LUZP2: variants seen among roughly 807,000 people sequenced by gnomAD.
LUZP2 encodes leucine zipper protein 2.
A neutral mutation model predicts 51.6 loss-of-function variants in LUZP2; 52 were observed. The ratio of observed to expected loss-of-function variants is 1.01; its 90% confidence interval spans 0.81 to 1.27. The LOEUF (loss-of-function observed/expected upper bound fraction) is 1.27, where lower values mean the gene tolerates loss of function less well. Ranked by LOEUF, LUZP2 falls within the 50% of genes most tolerant of loss-of-function variation. LUZP2 has a pLI of 0.00. For missense variants in LUZP2, 436 were observed against 395.4 expected, an observed-to-expected ratio of 1.10 and a Z score of -0.87; for synonymous variants, 154 against 137.3, an observed-to-expected ratio of 1.12 and a Z score of -0.85.
intron 7 of LUZP2, among the ~76,000 whole-genome samples, chr11:24,938,272 G>T (rs1403182362): frequency 6.6e-6 from 1 of 152,146 alleles, no homozygotes; most frequent in South Asian, 2.1e-4. Context: ...TTAAAGAAAA[G>T]AAATAAATGC....
chr11:24,996,188 T>C (rs953735199), intron 9 of LUZP2, among the ~76,000 whole-genome samples: 1 of 151,740 alleles, frequency 6.6e-6, no homozygotes, highest in African/African-American at 2.4e-5. Flanking sequence ...ATATTTTTCT[T>C]CTTCTTGACA....
intron 4 of LUZP2, chr11:24,751,691 A>C: frequency 5.8e-6 from 2 of 346,574 alleles, no homozygotes; most frequent in Non-Finnish European, 8.1e-6. Flanking sequence ...CCATTGCCAC[A>C]CAGAGCAATT....
chr11:24,938,405 G>A (rs1487652936), intron 7 of LUZP2, among the ~76,000 whole-genome samples: 6 of 152,036 alleles, frequency 3.9e-5, no homozygotes, highest in African/African-American at 1.4e-4. Context: ...TCATTTGTGG[G>A]AATAATAGTC....
chr11:24,787,906 G>T (rs763272317), intron 5 of LUZP2, among the ~76,000 whole-genome samples: 3 of 152,130 alleles, frequency 2.0e-5, no homozygotes, highest in Non-Finnish European at 4.4e-5. Flanking sequence ...GACTACAGGT[G>T]TGTGTCACCA....
At chr11:24,964,934 A>G (rs1855537735) in intron 7 of LUZP2, among the ~76,000 whole-genome samples, 1 of 151,820 alleles carries the variant, frequency 6.6e-6, no homozygotes, top group African/African-American at 2.4e-5. Context: ...TTTATTTTTA[A>G]TGATAGAGTA....
At chr11:24,513,152 T>C (rs1850364777) in intron 1 of LUZP2, among the ~76,000 whole-genome samples, 1 of 152,236 alleles carries the variant, frequency 6.6e-6, no homozygotes, top group South Asian at 2.1e-4. Context: ...TGTTTTCAAA[T>C]CATGTTTTCT....
chr11:24,909,063 G>C (rs540724305), intron 6 of LUZP2, among the ~76,000 whole-genome samples: 2 of 151,742 alleles, frequency 1.3e-5, no homozygotes, highest in South Asian at 4.2e-4. Context: ...ACCCAGCCAG[G>C]ATTTTGCTTT....
chr11:24,888,109 T>C (rs1229694416), intron 5 of LUZP2, among the ~76,000 whole-genome samples: 1 of 152,204 alleles, frequency 6.6e-6, no homozygotes, highest in Admixed American at 6.5e-5. Context: ...TACTTTCACC[T>C]TGAAAATTGA....
At position 24,665,115 on chromosome 11, in the gene LUZP2, CAG is replaced by C. The variant is rs778339057; in HGVS notation, c.63-64049_63-64048del. Among the ~76,000 whole-genome samples the C allele has an allele frequency of 6.0e-4, 91 of 152,158 alleles. 1 individual carries two copies. Among genetic ancestry groups the C allele is most frequent in the Non-Finnish European group, 4.9e-4 (33 of 68,022 alleles). The stretch of plus-strand genomic sequence containing the variant: ...AGCCACAGGGCAGAGCTGCTCAAGA[CAG>C]AGAGGCCACTTCTTGCATCAGCATG... On this transcript the variant is annotated intron_variant, in intron 1 of 11. Transcript: ENST00000336930.
intron 1 of LUZP2, among the ~76,000 whole-genome samples, chr11:24,662,940 A>G (rs2133985543): frequency 6.6e-6 from 1 of 152,206 alleles, no homozygotes; most frequent in African/African-American, 2.4e-5. Flanking sequence ...TAAATACAAA[A>G]AATTCATTAA....
intron 9 of LUZP2, among the ~76,000 whole-genome samples, chr11:25,016,061 C>T (rs940677558): frequency 6.6e-6 from 1 of 151,840 alleles, no homozygotes; most frequent in Non-Finnish European, 1.5e-5. Flanking sequence ...GCTGGGACTA[C>T]AGGCGCTCGC....
chr11:24,900,823 T>C (rs774157414), intron 5 of LUZP2, among the ~76,000 whole-genome samples: 1 of 152,222 alleles, frequency 6.6e-6, no homozygotes, highest in Non-Finnish European at 1.5e-5. Flanking sequence ...GGAGTGTCTC[T>C]GAACTTAGTC....
At chr11:24,743,954 C>T (rs1213769443) in intron 4 of LUZP2, among the ~76,000 whole-genome samples, 2 of 152,032 alleles carry the variant, frequency 1.3e-5, no homozygotes, top group Non-Finnish European at 2.9e-5. Flanking sequence ...ACAGAGAATG[C>T]ATCATCTGTT....
chr11:24,608,207 C>A (rs1264657754), intron 1 of LUZP2, among the ~76,000 whole-genome samples: 1 of 152,304 alleles, frequency 6.6e-6, no homozygotes, highest in South Asian at 2.1e-4. Flanking sequence ...GTTTAATAAT[C>A]TCTGTCCTGT....
chr11:24,598,995 ATGTGGG>A (rs1853535917), intron 1 of LUZP2, among the ~76,000 whole-genome samples: 1 of 152,144 alleles, frequency 6.6e-6, no homozygotes, highest in African/African-American at 2.4e-5. Flanking sequence ...CATTCAGTAC[ATGTGGG>A]AACCTTTTTC....
At chr11:24,793,145 C>A (rs1006825473) in intron 5 of LUZP2, among the ~76,000 whole-genome samples, 1 of 152,114 alleles carries the variant, frequency 6.6e-6, no homozygotes, top group African/African-American at 2.4e-5. Context: ...AATTTCCATG[C>A]TGGAACAGGT....
chr11:24,794,472 CAA>C (rs1272002303), intron 5 of LUZP2, among the ~76,000 whole-genome samples: 1 of 152,086 alleles, frequency 6.6e-6, no homozygotes, highest in Non-Finnish European at 1.5e-5. Context: ...GAAGGCGAAT[CAA>C]GAGATATAGC....
chr11:24,585,185 G>A (rs1319036230), intron 1 of LUZP2, among the ~76,000 whole-genome samples: 4 of 151,992 alleles, frequency 2.6e-5, no homozygotes, highest in African/African-American at 9.7e-5. Flanking sequence ...GAAAAATGGA[G>A]AAAATATGTG....
intron 1 of LUZP2, among the ~76,000 whole-genome samples, chr11:24,658,897 C>T (rs1855913224): frequency 6.6e-6 from 1 of 152,146 alleles, no homozygotes; most frequent in Admixed American, 6.5e-5. Flanking sequence ...GTTAGAATGG[C>T]AATCATTAAA....
Sources: gnomAD v4.1 joint callset for allele counts (sites outside exome capture counted in the v4.1 genomes callset) on GRCh38, gnomAD v4.1.1 for gene constraint, MANE v1.5 for transcripts, NCBI Gene and HGNC (gene_info 2026-07-23, HGNC 2026-07-21) for gene names.